TTLL11: variants seen among roughly 807,000 people sequenced by gnomAD.
TTLL11 encodes tubulin polyglutamylase TTLL11.
TTLL11 carries 42 observed loss-of-function variants against 51.7 expected under a neutral mutation model. The observed-to-expected ratio is 0.81, with a 90% CI of 0.64 to 1.05. The LOEUF is 1.05. Ranked by LOEUF, TTLL11 falls within the 50% of genes least tolerant of loss-of-function variation. TTLL11 has a pLI of 0.00. For missense variants in TTLL11, 799 were observed against 940.4 expected (o/e 0.85, Z 1.97); for synonymous variants, 381 against 383.5 (o/e 0.99, Z 0.08).
At chr9:121,983,999 G>C (rs1450169229) in intron 4 of TTLL11, among the ~76,000 whole-genome samples, 1 of 152,196 alleles carries the variant, frequency 6.6e-6, no homozygotes, top group African/African-American at 2.4e-5. Context: ...AGAAGGCGTT[G>C]AAGTTCAAGA....
At chr9:122,060,695 C>T (rs1845413203) in intron 1 of TTLL11, among the ~76,000 whole-genome samples, 2 of 152,220 alleles carry the variant, frequency 1.3e-5, no homozygotes, top group Non-Finnish European at 2.9e-5. Flanking sequence ...CTTCCTCTTT[C>T]TGGGTATCCT....
chr9:121,973,164 G>C (rs555790975), intron 6 of TTLL11, among the ~76,000 whole-genome samples: 1 of 152,324 alleles, frequency 6.6e-6, no homozygotes, highest in South Asian at 2.1e-4. Flanking sequence ...TGATTTCATG[G>C]AGGGAGGGCG....
At chr9:121,862,688 G>A (rs1838048015) in intron 7 of TTLL11, among the ~76,000 whole-genome samples, 1 of 152,244 alleles carries the variant, frequency 6.6e-6, no homozygotes, top group South Asian at 2.1e-4. Flanking sequence ...CCTGTCCCAA[G>A]GCAGGCTAGA....
chr9:121,902,935 G>C (rs182533705), intron 6 of TTLL11, among the ~76,000 whole-genome samples: 1 of 152,078 alleles, frequency 6.6e-6, no homozygotes, highest in Non-Finnish European at 1.5e-5. Context: ...GGGGATATCT[G>C]CAGGTTCTAC....
chr9:121,879,598 G>A (rs374709231), intron 6 of TTLL11, among the ~76,000 whole-genome samples: 10 of 152,364 alleles, frequency 6.6e-5, no homozygotes, highest in African/African-American at 2.4e-4. Flanking sequence ...GACTTGAGGT[G>A]AGGCATCACA....
chr9:122,015,001 T>C (rs1290301108), intron 3 of TTLL11, among the ~76,000 whole-genome samples: 1 of 152,210 alleles, frequency 6.6e-6, no homozygotes, highest in Non-Finnish European at 1.5e-5. Flanking sequence ...ACACCAGCAG[T>C]TGTATAACCG....
intron 6 of TTLL11, among the ~76,000 whole-genome samples, chr9:121,894,747 CG>C (rs888653322): frequency 6.6e-6 from 1 of 151,632 alleles, no homozygotes; most frequent in Admixed American, 6.6e-5. Flanking sequence ...CAGGGCCTGT[CG>C]GGGGGTGGGG....
chr9:121,961,827 G>A (rs928654804), intron 6 of TTLL11, among the ~76,000 whole-genome samples: 10 of 152,098 alleles, frequency 6.6e-5, no homozygotes, highest in African/African-American at 1.2e-4. Flanking sequence ...AGGCTGAGGC[G>A]GGTGAATTGC....
At chr9:122,083,531 G>A (rs1422693788) in intron 1 of TTLL11, among the ~76,000 whole-genome samples, 1 of 152,172 alleles carries the variant, frequency 6.6e-6, no homozygotes, top group African/African-American at 2.4e-5. Context: ...AAAAATCTGG[G>A]CCAGGCACGG....
At chr9:121,992,577 T>C (rs1455615223) in intron 3 of TTLL11, among the ~76,000 whole-genome samples, 8 of 152,194 alleles carry the variant, frequency 5.3e-5, no homozygotes, top group Non-Finnish European at 1.2e-4. Context: ...GAAACCAACA[T>C]ATTGAATGAA....
rs116688483 is a variant in TTLL11, at chr9:122,091,630, C to G, written c.462+1057G>C. Among the ~76,000 whole-genome samples, 805 of 152,272 alleles carry G rather than the reference C, an allele frequency of 5.3e-3. 9 individuals are homozygous for G. The highest frequency in any genetic ancestry group is 0.019 in the African/African-American group (779 of 41,538). On this transcript the variant is annotated intron_variant, in intron 1 of 8. Transcript: ENST00000321582. ...TGTTCCAACTTAATGAAACCATTAC[C>G]GAGCATCTACCATAGCCAAGGCACA...
In TTLL11 at chr9:121,881,975, C is replaced by T. The variant is rs555034015; in HGVS notation, c.1482-11227G>A. Among the ~76,000 whole-genome samples, 3 of 152,306 alleles carry T rather than the reference C, an allele frequency of 2.0e-5. No individual in the cohort carries two copies. In the South Asian group the frequency reaches 6.2e-4, roughly 32 times the overall value. On this transcript the variant is annotated intron_variant, in intron 6 of 8. Coordinates refer to ENST00000321582, the MANE Select transcript of TTLL11 (RefSeq NM_001139442.2). ...AATCTTTGAAAAGTCTCTTATCCTG[C>T]TCATGCCTTGATGTCTTCATCTGTA...
intron 1 of TTLL11, among the ~76,000 whole-genome samples, chr9:122,044,236 A>C (rs1389021433): frequency 6.6e-6 from 1 of 151,804 alleles, no homozygotes; most frequent in Non-Finnish European, 1.5e-5. Context: ...TATGTGCCAC[A>C]TTTTCTTAAT....
At chr9:122,083,235 G>A (rs1846043364) in intron 1 of TTLL11, among the ~76,000 whole-genome samples, 1 of 151,986 alleles carries the variant, frequency 6.6e-6, no homozygotes, top group Non-Finnish European at 1.5e-5. Flanking sequence ...AATCAAATCT[G>A]AGCTGAAGTG....
At chr9:122,055,239 A>AGATAGATG (rs1223662253) in intron 1 of TTLL11, among the ~76,000 whole-genome samples, 1 of 145,102 alleles carries the variant, frequency 6.9e-6, no homozygotes, top group African/African-American at 2.5e-5. Context: ...ATAGATAGAT[A>AGATAGATG]GATAAAGGGG....
chr9:122,009,136 A>C (rs928009977), intron 3 of TTLL11, among the ~76,000 whole-genome samples: 1 of 152,194 alleles, frequency 6.6e-6, no homozygotes, highest in Non-Finnish European at 1.5e-5. Context: ...AGTTAATAAC[A>C]ATGTATTGTA....
intron 1 of TTLL11, among the ~76,000 whole-genome samples, chr9:122,082,760 C>G (rs1414875963): frequency 1.3e-5 from 2 of 152,220 alleles, no homozygotes; most frequent in African/African-American, 4.8e-5. Context: ...CTGCTGGGTA[C>G]AGTGGCTCAC....
chr9:122,038,223 G>A (rs1218087973), intron 2 of TTLL11, among the ~76,000 whole-genome samples: 1 of 152,134 alleles, frequency 6.6e-6, no homozygotes, highest in Admixed American at 6.5e-5. Context: ...AATATGGTCT[G>A]TGTAATATAT....
intron 8 of TTLL11, among the ~76,000 whole-genome samples, chr9:121,847,891 C>A (rs2131364657): frequency 6.6e-6 from 1 of 152,266 alleles, no homozygotes; most frequent in African/African-American, 2.4e-5. Flanking sequence ...AGCATAGATG[C>A]AAAAACCCTC....
Sources: gnomAD v4.1 joint callset for allele counts (sites outside exome capture counted in the v4.1 genomes callset) on GRCh38, gnomAD v4.1.1 for gene constraint, MANE v1.5 for transcripts, NCBI Gene and HGNC (gene_info 2026-07-23, HGNC 2026-07-21) for gene names.